The following RAP1GAP2 variants were observed in gnomAD, a reference collection of about 807,000 sequenced individuals.
RAP1GAP2 encodes RAP1 GTPase activating protein 2.
RAP1GAP2 carries 27 observed loss-of-function variants against 95.0 expected under a neutral mutation model. The observed-to-expected ratio is 0.28, with a 90% CI of 0.21 to 0.39. The LOEUF (loss-of-function observed/expected upper bound fraction) is 0.39, where lower values mean the gene tolerates loss of function less well. Ranked by LOEUF, RAP1GAP2 falls within the 10% of genes least tolerant of loss-of-function variation. RAP1GAP2 has a pLI of 1.00. For synonymous variants in RAP1GAP2, 373 were observed against 380.9 expected, an observed-to-expected ratio of 0.98 and a Z score of 0.24; for missense variants, 771 against 970.0, an observed-to-expected ratio of 0.79 and a Z score of 2.72.
chr17:2,924,151 C>T (rs987933068), intron 3 of RAP1GAP2, among the ~76,000 whole-genome samples: 1 of 152,064 alleles, frequency 6.6e-6, no homozygotes, highest in African/African-American at 2.4e-5. Flanking sequence ...AGTTTGGCTC[C>T]CTGCTTTGAA....
rs903388032 is a variant in RAP1GAP2 at position 3,005,843 on chromosome 17, C to G, written c.1273-112C>G. Reference sequence around the variant, plus strand: ...AGAAATGATCCGCTGTCGGAAGGGACTTTTCAGGGGTTCTCCCCATGGCCC... The same window carrying G: ...AGAAATGATCCGCTGTCGGAAGGGAGTTTTCAGGGGTTCTCCCCATGGCCC... On this transcript the variant is annotated intron_variant, in intron 15 of 24. Transcript: ENST00000254695. This position sits in a 1 kb window ranked among gnomAD's most constrained non-coding sequence, Gnocchi z 5.2. The G allele has an allele frequency of 3.3e-5, 34 of 1,037,478 alleles. No homozygotes were observed. Among genetic ancestry groups the G allele is most frequent in the Non-Finnish European group, 3.9e-5 (26 of 661,008 alleles). The allele number at this position is 1,037,478 out of a possible 1,614,324, so 64.3% of individuals were successfully genotyped here. A position where few individuals can be genotyped will look rare whatever the true frequency, so the allele number is the denominator to read the frequency against.
At chr17:2,898,797 T>C (rs1209697383) in intron 2 of RAP1GAP2, among the ~76,000 whole-genome samples, 2 of 152,224 alleles carry the variant, frequency 1.3e-5, no homozygotes, top group African/African-American at 4.8e-5. Flanking sequence ...GGCACTGTGC[T>C]GAGTGCTTTC....
chr17:2,776,403 T>C (rs2068500154), upstream of RAP1GAP2, among the ~76,000 whole-genome samples: 1 of 151,808 alleles, frequency 6.6e-6, no homozygotes, highest in Non-Finnish European at 1.5e-5. Context: ...CAGGAACCCC[T>C]GGCGGGCAGG....
chr17:2,876,976 C>T (rs1002522400), intron 2 of RAP1GAP2, among the ~76,000 whole-genome samples: 2 of 151,410 alleles, frequency 1.3e-5, no homozygotes, highest in Non-Finnish European at 2.9e-5. Flanking sequence ...GCAACCTCCA[C>T]CTCCCGGGTT....
chr17:2,951,164 C>G (rs529249621), intron 3 of RAP1GAP2, among the ~76,000 whole-genome samples: 23 of 152,368 alleles, frequency 1.5e-4, no homozygotes, highest in Admixed American at 1.2e-3. Context: ...ATCTGATCTT[C>G]AGGATGTCTG....
Position 2,942,088 on chromosome 17 carries a change from C to T in RAP1GAP2, c.166-15671C>T, listed in dbSNP as rs186397301. Among the ~76,000 whole-genome samples the T allele has an allele frequency of 2.6e-5, 4 of 152,260 alleles. No homozygotes were observed. In the East Asian group the frequency reaches 7.7e-4, roughly 29 times the overall value. Reference sequence around the variant, plus strand: ...AACTTGGGAAGTTTGAGGTGCCTGTCAGACATGCACGTGAGATGCTGAGTT... The same window carrying T: ...AACTTGGGAAGTTTGAGGTGCCTGTTAGACATGCACGTGAGATGCTGAGTT... On this transcript the variant is annotated intron_variant, in intron 3 of 24. Coordinates refer to ENST00000254695, the MANE Select transcript of RAP1GAP2 (RefSeq NM_015085.5).
chr17:3,009,883 A>G (rs2046459867), intron 17 of RAP1GAP2, among the ~76,000 whole-genome samples: 1 of 152,028 alleles, frequency 6.6e-6, no homozygotes, highest in African/African-American at 2.4e-5. Flanking sequence ...AGAGTGTGAG[A>G]TGCGGTAAAC....
intron 4 of RAP1GAP2, among the ~76,000 whole-genome samples, chr17:2,961,890 A>ATTTTT (rs34857082): frequency 1.6e-4 from 18 of 111,938 alleles, no homozygotes; most frequent in South Asian, 3.0e-4. Flanking sequence ...GACCCTAAGG[A>ATTTTT]TTTTTTTTTT....
chr17:2,993,625 C>T (rs532769209), intron 12 of RAP1GAP2, among the ~76,000 whole-genome samples: 1 of 149,846 alleles, frequency 6.7e-6, no homozygotes, highest in Non-Finnish European at 1.5e-5. Context: ...ATAATGCTCA[C>T]GAAACACTTA....
Position 2,963,302 on chromosome 17 carries a change from T to G in RAP1GAP2, c.247-128T>G, listed in dbSNP as rs1382628615. ...GATTCCAGAGCTGATTCTGAGCTGT[T>G]CTTCCATCGAATGTTCCTCCCTCAA... On this transcript the variant is annotated intron_variant, in intron 5 of 24. Transcript: ENST00000254695. This position sits in a 1 kb window ranked among gnomAD's most constrained non-coding sequence, Gnocchi z 4.8. The G allele has an allele frequency of 9.6e-7, 1 of 1,043,922 alleles. No individual in the cohort carries two copies. Among genetic ancestry groups the G allele is most frequent in the Non-Finnish European group, 1.5e-6 (1 of 669,236 alleles). The allele number at this position is 1,043,922 out of a possible 1,614,324, so 64.7% of individuals were successfully genotyped here. A position where few individuals can be genotyped will look rare whatever the true frequency, so the allele number is the denominator to read the frequency against.
rs1191310253 is a variant in RAP1GAP2 at position 3,018,042 on chromosome 17, C to T, written c.1495-19C>T. The T allele has an allele frequency of 3.8e-6, 6 of 1,567,912 alleles. No homozygotes were observed. The highest frequency in any genetic ancestry group is 3.5e-6 in the Non-Finnish European group (4 of 1,156,876). On this transcript the variant is annotated intron_variant, in intron 17 of 24. Transcript: ENST00000254695. ...AGAGCCCGGGTGCTGATTCTCAGGC[C>T]CTTGTTCTCTCCCCGTAGAGGGCCA...
intron 17 of RAP1GAP2, among the ~76,000 whole-genome samples, chr17:3,012,522 G>A (rs577250611): frequency 6.6e-6 from 1 of 150,988 alleles, no homozygotes; most frequent in Non-Finnish European, 1.5e-5. Flanking sequence ...GGAGGCTGGG[G>A]CAGGAGAATT....
At chr17:2,763,380 C>G (rs754781861) in intron 1 of RAP1GAP2, among the ~76,000 whole-genome samples, 3 of 152,120 alleles carry the variant, frequency 2.0e-5, no homozygotes, top group Non-Finnish European at 2.9e-5. Context: ...AACATCCAGG[C>G]AGGCAGAGAA....
At position 2,825,346 on chromosome 17, in the gene RAP1GAP2, C is replaced by T. The variant is rs1328182162; in HGVS notation, c.80+24796C>T. On this transcript the variant is annotated intron_variant, in intron 2 of 24. Coordinates refer to ENST00000254695, the MANE Select transcript of RAP1GAP2 (RefSeq NM_015085.5). This position sits in a 1 kb window ranked among gnomAD's most constrained non-coding sequence, Gnocchi z 4.1. ...AGGAGGGAGAAGGGAAGAGAAGAAACTTTGCTGTTGGAACTGGGTCAGAAT... is the reference window on the plus strand; with the variant it reads ...AGGAGGGAGAAGGGAAGAGAAGAAATTTTGCTGTTGGAACTGGGTCAGAAT... Among the ~76,000 whole-genome samples, 1 of 152,108 alleles carries T rather than the reference C, an allele frequency of 6.6e-6. No homozygotes were observed. The highest frequency in any genetic ancestry group is 1.5e-5 in the Non-Finnish European group (1 of 68,026).
At chr17:3,014,120 CGTCGGCT>C (rs2046669416) in intron 17 of RAP1GAP2, among the ~76,000 whole-genome samples, 1 of 149,294 alleles carries the variant, frequency 6.7e-6, no homozygotes, top group Non-Finnish European at 1.5e-5. Flanking sequence ...CTAGGACACA[CGTCGGCT>C]ATAGAGCGTG....
At chr17:2,952,671 T>A (rs1057151893) in intron 3 of RAP1GAP2, among the ~76,000 whole-genome samples, 3 of 152,226 alleles carry the variant, frequency 2.0e-5, no homozygotes, top group Non-Finnish European at 4.4e-5. Flanking sequence ...CACTGGTTGA[T>A]CTGATAGTGA....
chr17:2,868,846 G>T (rs1253939791), intron 2 of RAP1GAP2, among the ~76,000 whole-genome samples: 1 of 152,092 alleles, frequency 6.6e-6, no homozygotes, highest in Non-Finnish European at 1.5e-5. Context: ...ATTCCACTTT[G>T]TCTGTGTCTG....
intron 2 of RAP1GAP2, among the ~76,000 whole-genome samples, chr17:2,832,437 A>C (rs1167211148): frequency 2.0e-5 from 3 of 150,292 alleles, no homozygotes; most frequent in Non-Finnish European, 4.4e-5. Context: ...GGGCACCTGT[A>C]GTCCCAGCTA....
chr17:2,959,860 T>C (rs906911181), intron 4 of RAP1GAP2, among the ~76,000 whole-genome samples: 3 of 152,108 alleles, frequency 2.0e-5, no homozygotes, highest in African/African-American at 7.2e-5. Flanking sequence ...TTGCGGTGTC[T>C]CACACCTGTC....
Sources: gnomAD v4.1 joint callset for allele counts (sites outside exome capture counted in the v4.1 genomes callset) on GRCh38, gnomAD v4.1.1 for gene constraint, Gnocchi (gnomAD v3.1) non-coding constraint, MANE v1.5 for transcripts, NCBI Gene and HGNC (gene_info 2026-07-23, HGNC 2026-07-21) for gene names.